The following LRRC7 variants were observed in gnomAD, a reference collection of about 807,000 sequenced individuals.
LRRC7 encodes leucine rich repeat containing 7, also known as leucine-rich repeat-containing protein 7.
In LRRC7, 23 loss-of-function variants were observed where a neutral mutation model predicts 175.7. The ratio of observed to expected loss-of-function variants is 0.13; its 90% CI spans 0.09 to 0.19. The LOEUF is 0.19. Ranked by LOEUF, LRRC7 falls within the 10% of genes least tolerant of loss-of-function variation. The pLI is 1.00. For missense variants in LRRC7, 1,354 were observed against 1,904.7 expected, an observed-to-expected ratio of 0.71 and a Z score of 5.38; for synonymous variants, 685 against 680.9, an observed-to-expected ratio of 1.01 and a Z score of -0.09.
intron 3 of LRRC7, among the ~76,000 whole-genome samples, chr1:69,783,753 CAAAAAA>C (rs10712087): frequency 2.4e-5 from 2 of 84,718 alleles, no homozygotes; most frequent in South Asian, 6.2e-4. Context: ...CTCCCCATCT[CAAAAAA>C]AAAAAAAAAA....
chr1:70,094,324 C>T, intron 25 of LRRC7, among the ~76,000 whole-genome samples: 1 of 152,082 alleles, frequency 6.6e-6, no homozygotes, highest in South Asian at 2.1e-4. Context: ...GAGAGCTCAT[C>T]CATATTTCCA....
Position 70,044,002 on chromosome 1 carries a change from G to A in LRRC7, c.4018G>A (p.Gly1340Arg). The A allele has an allele frequency of 6.2e-7, 1 of 1,613,392 alleles. No homozygotes were observed. Among genetic ancestry groups the A allele is most frequent in the Non-Finnish European group, 8.5e-7 (1 of 1,179,546 alleles). The change falls in exon 22 of 27, where the codon GGA (glycine) becomes AGA (arginine). Residue 1340 changes from glycine (G) to arginine (R), a missense_variant. Gly to Arg is a moderately radical substitution (Grantham distance 125). This residue lies in a region of LRRC7 where 1,032 missense variants were observed against 1,227.2 expected (regional missense o/e 0.84). Transcript: ENST00000651989. ...NTVNLGMLPY[G>R]GISAMHAGRS... ...AGTTAACCTTGGCATGCTGCCCTAT[G>A]GAGGTATTTCAGCAATGCATGCAGG...
rs800924 is a variant in LRRC7 at position 69,641,765 on chromosome 1, A to C, written c.3-36616A>C. On this transcript the variant is annotated intron_variant, in intron 1 of 26. Transcript: ENST00000651989. ...TAAACAAATTTTAAAATATATAATC[A>C]TCAAGACATTTGTACATAGCATTGC... Among the ~76,000 whole-genome samples, 1,507 of 151,910 alleles carry C rather than the reference A, an allele frequency of 9.9e-3. 22 individuals carry two copies. The highest frequency in any genetic ancestry group is 0.035 in the African/African-American group (1,440 of 41,528).
At chr1:70,036,740 G>C in intron 20 of LRRC7, 116 bp downstream of exon 20, 1 of 1,077,612 alleles carries the variant, frequency 9.3e-7, no homozygotes, top group South Asian at 1.6e-5. Context: ...ATAGAAGACA[G>C]AAGGGGCAGG....
chr1:69,817,390 A>G (rs1030345257), intron 4 of LRRC7, among the ~76,000 whole-genome samples: 7 of 152,102 alleles, frequency 4.6e-5, no homozygotes, highest in African/African-American at 1.2e-4. Flanking sequence ...TGTTGAAGAG[A>G]CTATCCCCAT....
At chr1:69,841,170 C>A (rs1015639626) in intron 7 of LRRC7, among the ~76,000 whole-genome samples, 3 of 151,948 alleles carry the variant, frequency 2.0e-5, no homozygotes, top group African/African-American at 7.2e-5. Context: ...GGGTTTCTCA[C>A]TGGTGATAGA....
At chr1:69,667,907 T>C (rs1253214518) in intron 1 of LRRC7, among the ~76,000 whole-genome samples, 1 of 152,178 alleles carries the variant, frequency 6.6e-6, no homozygotes, top group African/African-American at 2.4e-5. Flanking sequence ...TCGTCTTCCT[T>C]TTAGTGAAGG....
At chr1:69,934,493 GC>G (rs1344677656) in intron 8 of LRRC7, among the ~76,000 whole-genome samples, 1,043 of 74,744 alleles carry the variant, frequency 0.014, 25 homozygotes, top group African/African-American at 0.041. Flanking sequence ...AGATATTTTG[GC>G]GGGGGGGGGG....
chr1:69,586,252 T>A (rs1213013504), intron 1 of LRRC7, among the ~76,000 whole-genome samples: 1 of 152,212 alleles, frequency 6.6e-6, no homozygotes, highest in African/African-American at 2.4e-5. Flanking sequence ...GTAATTGGTC[T>A]CTCTGACTTT....
intron 3 of LRRC7, among the ~76,000 whole-genome samples, chr1:69,784,732 G>A (rs934870909): frequency 2.6e-5 from 4 of 151,906 alleles, no homozygotes; most frequent in African/African-American, 9.7e-5. Flanking sequence ...CTATTATTCT[G>A]GCTATATCGT....
In LRRC7 at chr1:70,105,879, T is replaced by G. The variant is rs185380526; in HGVS notation, c.4546-1873T>G. On this transcript the variant is annotated intron_variant, in intron 25 of 26. Transcript: ENST00000651989. Reference sequence around the variant, plus strand: ...TCTCTAAATAAGAAGGAAAACAGATTAAAATATGAAAGATAAAAATCATTC... The same window carrying G: ...TCTCTAAATAAGAAGGAAAACAGATGAAAATATGAAAGATAAAAATCATTC... 2.0e-4 allele frequency among the ~76,000 whole-genome samples: 30 copies of G among 152,224 alleles called. No individual in the cohort carries two copies. The East Asian group carries it at 5.0e-3, about 25-fold the overall frequency.
chr1:69,779,637 TCAA>T (rs1054407369), intron 3 of LRRC7, among the ~76,000 whole-genome samples: 14 of 152,312 alleles, frequency 9.2e-5, no homozygotes, highest in African/African-American at 3.1e-4. Flanking sequence ...GAAAAATGAT[TCAA>T]CAACATCTTT....
intron 1 of LRRC7, among the ~76,000 whole-genome samples, chr1:69,623,711 C>T (rs578099146): frequency 3.4e-4 from 52 of 152,058 alleles, no homozygotes; most frequent in East Asian, 2.3e-3. Context: ...CCAGCACGCC[C>T]GGCTAATTTT....
chr1:70,042,672 G>A (rs1184972115), intron 21 of LRRC7, among the ~76,000 whole-genome samples: 1 of 152,188 alleles, frequency 6.6e-6, no homozygotes, highest in African/African-American at 2.4e-5. Flanking sequence ...CTGTTCTGCA[G>A]AAGCTGAGAG....
At chr1:69,965,771 T>A (rs1651603372) in intron 8 of LRRC7, among the ~76,000 whole-genome samples, 2 of 152,122 alleles carry the variant, frequency 1.3e-5, no homozygotes, top group Non-Finnish European at 2.9e-5. Context: ...CTAAACAGTC[T>A]CAAGGCATGT....
In LRRC7 at chr1:69,813,262, T is replaced by G. The variant is rs374227957; in HGVS notation, c.422-12486T>G. Among the ~76,000 whole-genome samples the G allele has an allele frequency of 8.1e-4, 124 of 152,258 alleles. 1 individual carries two copies. The highest frequency in any genetic ancestry group is 3.4e-3 in the Middle Eastern group (1 of 294). On this transcript the variant is annotated intron_variant, in intron 4 of 26. Coordinates refer to ENST00000651989, the MANE Select transcript of LRRC7 (RefSeq NM_001370785.2). ...TTCTCTCTCATGTCACTGTGCTTGCTTGCTCAGCAAAATTACAACCCTGGC... is the reference window on the plus strand; with the variant it reads ...TTCTCTCTCATGTCACTGTGCTTGCGTGCTCAGCAAAATTACAACCCTGGC...
chr1:70,055,241 A>G (rs1313527939), intron 23 of LRRC7, among the ~76,000 whole-genome samples: 1 of 152,184 alleles, frequency 6.6e-6, no homozygotes, highest in East Asian at 1.9e-4. Flanking sequence ...GTGGTGTCAA[A>G]TAAGACTAGA....
At chr1:69,996,874 C>T (rs1324784620) in intron 11 of LRRC7, among the ~76,000 whole-genome samples, 10 of 152,050 alleles carry the variant, frequency 6.6e-5, no homozygotes. Flanking sequence ...ATTGACTTGG[C>T]AATGCGGGCT....
intron 24 of LRRC7, among the ~76,000 whole-genome samples, chr1:70,085,820 A>G (rs1291631464): frequency 6.6e-6 from 1 of 152,148 alleles, no homozygotes; most frequent in Non-Finnish European, 1.5e-5. Flanking sequence ...TTTGCTATCT[A>G]TCTTCCTCAT....
Sources: gnomAD v4.1 joint callset for allele counts (sites outside exome capture counted in the v4.1 genomes callset) on GRCh38, gnomAD v4.1.1 for gene constraint, gnomAD v4.1.1 regional missense constraint, MANE v1.5 for transcripts, NCBI Gene and HGNC (gene_info 2026-07-23, HGNC 2026-07-21) for gene names.